Variants in SEC11C observed in about 807,000 individuals in gnomAD.
SEC11C encodes signal peptidase complex catalytic subunit SEC11C.
Under a neutral mutation model 21.9 loss-of-function variants are expected in SEC11C, and 10 were observed. The observed-to-expected ratio is 0.46, with a 90% confidence interval of 0.28 to 0.77. The LOEUF (loss-of-function observed/expected upper bound fraction) is 0.77, where lower values mean the gene tolerates loss of function less well. SEC11C is among the 30% of genes least tolerant of loss of function. The pLI is 0.12. For missense variants in SEC11C, 145 were observed against 244.5 expected, an observed-to-expected ratio of 0.59 and a Z score of 2.71; for synonymous variants, 83 against 85.6, an observed-to-expected ratio of 0.97 and a Z score of 0.17.
At chr18:59,152,389 C>T in intron 2 of SEC11C, 147 bp from the exon 3 acceptor site, 1 of 725,732 alleles carries the variant, frequency 1.4e-6, no homozygotes, top group Non-Finnish European at 2.2e-6. Flanking sequence ...CATGTTACCA[C>T]CTTGAGCAGT....
rs750725383 is a variant in SEC11C at position 59,139,921 on chromosome 18, G to C, written c.-28G>C. On this transcript the variant is annotated 5_prime_UTR_variant, in exon 1 of 6. Coordinates refer to ENST00000587834, the MANE Select transcript of SEC11C (RefSeq NM_033280.4). The stretch of plus-strand genomic sequence containing the variant: ...GCCGTCTGTGCCACCCAGAGCCGGC[G>C]GGCCGCTAGGTCCCCGGAGACCCTG... The C allele has an allele frequency of 1.3e-6, 2 of 1,493,876 alleles. No individual in the cohort carries two copies. The highest frequency in any genetic ancestry group is 1.3e-5 in the South Asian group (1 of 79,078). 92.5% of individuals were successfully genotyped at this position (1,493,876 alleles called of 1,614,324 possible).
intron 1 of SEC11C, among the ~76,000 whole-genome samples, chr18:59,143,352 C>CTAAAA (rs2069233119): frequency 3.6e-5 from 4 of 111,198 alleles, no homozygotes; most frequent in African/African-American, 1.2e-4. Flanking sequence ...GACTCCATTT[C>CTAAAA]AAAAAAAAAA....
At chr18:59,142,520 C>G (rs117475832) in intron 1 of SEC11C, among the ~76,000 whole-genome samples, 105 of 152,180 alleles carry the variant, frequency 6.9e-4, no homozygotes, top group Admixed American at 3.9e-4. Flanking sequence ...CAGGCAGAGC[C>G]GGTGGGGAGG....
chr18:59,145,381 C>T (rs943475232), intron 1 of SEC11C, among the ~76,000 whole-genome samples: 1 of 152,166 alleles, frequency 6.6e-6, no homozygotes, highest in African/African-American at 2.4e-5. Flanking sequence ...GATTTCTGGT[C>T]TAGCCAGTCA....
intron 2 of SEC11C, 87 bp downstream of exon 2, chr18:59,149,709 C>T: frequency 1.6e-6 from 1 of 619,446 alleles, no homozygotes. Context: ...TAAGTGAAAA[C>T]CTGCGTGACA....
chr18:59,154,911 C>T (rs1364462117), intron 3 of SEC11C, among the ~76,000 whole-genome samples: 1 of 152,080 alleles, frequency 6.6e-6, no homozygotes, highest in Non-Finnish European at 1.5e-5. Flanking sequence ...ACTAAAAATA[C>T]AAAAATTACC....
chr18:59,140,241 G>A (rs1039385164), intron 1 of SEC11C, among the ~76,000 whole-genome samples: 2 of 152,244 alleles, frequency 1.3e-5, no homozygotes, highest in East Asian at 1.9e-4. Context: ...GCACAATTAG[G>A]GGAGGGTGCA....
chr18:59,150,615 G>A (rs1235105112), intron 2 of SEC11C, among the ~76,000 whole-genome samples: 2 of 152,214 alleles, frequency 1.3e-5, no homozygotes, highest in African/African-American at 2.4e-5. Context: ...TTAGGAGTGG[G>A]GAGAAGGGAA....
Position 59,139,903 on chromosome 18 carries a change from G to A in SEC11C, c.-46G>A, listed in dbSNP as rs1251120265. Reference sequence around the variant, plus strand: ...GCCGGCAGGTGCTCCGCAGCCGTCTGTGCCACCCAGAGCCGGCGGGCCGCT... The same window carrying A: ...GCCGGCAGGTGCTCCGCAGCCGTCTATGCCACCCAGAGCCGGCGGGCCGCT... On this transcript the variant is annotated 5_prime_UTR_variant, in exon 1 of 6. It adds an upstream start codon to the 5' untranslated region. Transcript: ENST00000587834. 3 of 1,426,260 alleles carry A rather than the reference G, an allele frequency of 2.1e-6. No individual in the cohort carries two copies. The highest frequency in any genetic ancestry group is 2.8e-6 in the Non-Finnish European group (3 of 1,070,088). 88.4% of individuals were successfully genotyped at this position (1,426,260 alleles called of 1,614,324 possible).
chr18:59,152,407 G>A (rs1296110689), intron 2 of SEC11C, 129 bp from the exon 3 acceptor site: 2 of 936,622 alleles, frequency 2.1e-6, no homozygotes, highest in Non-Finnish European at 3.1e-6. Flanking sequence ...AGTTAAGAAG[G>A]AAGCCACATT....
chr18:59,156,217 C>T (rs1455071692), intron 4 of SEC11C: 1 of 159,638 alleles, frequency 6.3e-6, no homozygotes, highest in Non-Finnish European at 1.4e-5. Flanking sequence ...AAATATAAAT[C>T]CTCACTGAGA....
At chr18:59,152,756 A>G in intron 3 of SEC11C, 71 bp downstream of exon 3, 1 of 1,331,798 alleles carries the variant, frequency 7.5e-7, no homozygotes, top group South Asian at 1.4e-5. Context: ...ATTAGAAACT[A>G]GTAAAAGCAC....
intron 1 of SEC11C, among the ~76,000 whole-genome samples, chr18:59,148,890 C>T (rs2069313446): frequency 6.6e-6 from 1 of 152,016 alleles, no homozygotes; most frequent in South Asian, 2.1e-4. Flanking sequence ...GCTGGGATTA[C>T]AGGCGTGAGC....
At chr18:59,146,009 C>T (rs540384840) in intron 1 of SEC11C, among the ~76,000 whole-genome samples, 43 of 152,312 alleles carry the variant, frequency 2.8e-4, no homozygotes, top group Middle Eastern at 3.4e-3. Context: ...CACCTAACAA[C>T]GCATTTTTCA....
chr18:59,158,140 C>A (rs571128630), intron 5 of SEC11C, among the ~76,000 whole-genome samples: 10 of 152,280 alleles, frequency 6.6e-5, no homozygotes, highest in African/African-American at 2.4e-4. Context: ...ACCACAACCT[C>A]CGCCTCCCAG....
At chr18:59,157,805 A>G in intron 5 of SEC11C, 140 bp downstream of exon 5, 1 of 627,472 alleles carries the variant, frequency 1.6e-6, no homozygotes, top group South Asian at 2.0e-5. Context: ...CTACAAATTA[A>G]TGTAGTCATT....
intron 2 of SEC11C, among the ~76,000 whole-genome samples, chr18:59,151,334 T>TA (rs2069350783): frequency 6.9e-6 from 1 of 145,178 alleles, no homozygotes; most frequent in Non-Finnish European, 1.5e-5. Flanking sequence ...TTTTTTTTTT[T>TA]AACACTGAAA....
At chr18:59,146,612 T>TCC (rs1194822366) in intron 1 of SEC11C, among the ~76,000 whole-genome samples, 1 of 152,196 alleles carries the variant, frequency 6.6e-6, no homozygotes, top group African/African-American at 2.4e-5. Flanking sequence ...GGGCCGACAG[T>TCC]TATCCTTTGG....
At chr18:59,154,391 A>G (rs138498956) in intron 3 of SEC11C, among the ~76,000 whole-genome samples, 31 of 152,228 alleles carry the variant, frequency 2.0e-4, no homozygotes, top group African/African-American at 7.5e-4. Context: ...ATTTTATCTC[A>G]TTATAATAGT....
Sources: gnomAD v4.1 joint callset for allele counts (sites outside exome capture counted in the v4.1 genomes callset) on GRCh38, gnomAD v4.1.1 for gene constraint, MANE v1.5 for transcripts, NCBI Gene and HGNC (gene_info 2026-07-23, HGNC 2026-07-21) for gene names.